HDAC9: variants seen among roughly 807,000 people sequenced by gnomAD.
The protein encoded by HDAC9 is histone deacetylase 9, also known as MEF-2 interacting transcription repressor (MITR) protein.
In HDAC9, 41 loss-of-function variants were observed where a neutral mutation model predicts 139.4. The observed-to-expected ratio is 0.29, with a 90% CI of 0.23 to 0.38. The LOEUF (loss-of-function observed/expected upper bound fraction) is 0.38, where lower values mean the gene tolerates loss of function less well. Ranked by LOEUF, HDAC9 falls within the 10% of genes least tolerant of loss-of-function variation. The pLI is 1.00. For missense variants in HDAC9, 1,147 were observed against 1,297.0 expected (o/e 0.88, Z 1.78); for synonymous variants, 517 against 476.2 (o/e 1.09, Z -1.12).
At chr7:18,404,810 A>G (rs890926490) in intron 1 of HDAC9, among the ~76,000 whole-genome samples, 3 of 152,226 alleles carry the variant, frequency 2.0e-5, no homozygotes, top group Non-Finnish European at 4.4e-5. Flanking sequence ...ATTGAAATAA[A>G]TGTAAGCTAT....
intron 13 of HDAC9, among the ~76,000 whole-genome samples, chr7:18,736,875 TG>T (rs1328908800): frequency 1.3e-5 from 2 of 152,188 alleles, no homozygotes; most frequent in Non-Finnish European, 2.9e-5. Flanking sequence ...GGACTTTTTT[TG>T]GTTGGTAGGC....
At chr7:18,409,844 A>G (rs1166891811) in intron 1 of HDAC9, among the ~76,000 whole-genome samples, 2 of 152,208 alleles carry the variant, frequency 1.3e-5, no homozygotes, top group Non-Finnish European at 2.9e-5. Context: ...TATTGGCTAA[A>G]TTAAACATTT....
chr7:18,178,453 C>T (rs1189339209), intron 2 of HDAC9, among the ~76,000 whole-genome samples: 2 of 152,164 alleles, frequency 1.3e-5, no homozygotes, highest in Non-Finnish European at 2.9e-5. Flanking sequence ...TCATTGTTTG[C>T]AAGACTTGTG....
chr7:18,749,840 C>G (rs1788292807), intron 14 of HDAC9, among the ~76,000 whole-genome samples: 1 of 152,104 alleles, frequency 6.6e-6, no homozygotes. Context: ...TGTCTGAAAT[C>G]CAGTAACATT....
intron 12 of HDAC9, among the ~76,000 whole-genome samples, chr7:18,677,525 A>T (rs771530603): frequency 3.3e-5 from 5 of 152,016 alleles, no homozygotes; most frequent in Non-Finnish European, 7.4e-5. Flanking sequence ...TTGTACACTA[A>T]GTATAGGTTT....
At chr7:18,715,148 G>T (rs1046076344) in intron 12 of HDAC9, among the ~76,000 whole-genome samples, 4 of 151,996 alleles carry the variant, frequency 2.6e-5, no homozygotes, top group African/African-American at 9.7e-5. Context: ...CTGACCCACA[G>T]TGACAAGTTT....
chr7:18,355,550 C>A (rs749405148), intron 1 of HDAC9, among the ~76,000 whole-genome samples: 1 of 152,080 alleles, frequency 6.6e-6, no homozygotes, highest in Non-Finnish European at 1.5e-5. Context: ...GATGTGAAAG[C>A]TTATTTTGAA....
chr7:18,280,762 C>CAAAA (rs11459678), intron 2 of HDAC9, among the ~76,000 whole-genome samples: 55 of 146,246 alleles, frequency 3.8e-4, no homozygotes, highest in African/African-American at 1.2e-3. Flanking sequence ...GACCCTGTCT[C>CAAAA]AAAAAAAATA....
intron 1 of HDAC9, among the ~76,000 whole-genome samples, chr7:18,424,574 CA>C (rs964968970): frequency 3.3e-5 from 5 of 152,100 alleles, no homozygotes; most frequent in South Asian, 4.2e-4. Flanking sequence ...ACTTTTACAA[CA>C]AAAAAATCTA....
chr7:18,806,479 A>C (rs1793721257), intron 17 of HDAC9, among the ~76,000 whole-genome samples: 1 of 152,084 alleles, frequency 6.6e-6, no homozygotes, highest in Non-Finnish European at 1.5e-5. Context: ...GTACCTCTAC[A>C]TCTCAGAGCC....
intron 23 of HDAC9, among the ~76,000 whole-genome samples, chr7:18,952,731 G>A (rs1782885291): frequency 6.6e-6 from 1 of 151,498 alleles, no homozygotes; most frequent in South Asian, 2.1e-4. Flanking sequence ...GATACAATTT[G>A]AAATACCACA....
intron 12 of HDAC9, among the ~76,000 whole-genome samples, chr7:18,688,293 G>A (rs1197715876): frequency 6.6e-6 from 1 of 151,736 alleles, no homozygotes; most frequent in Non-Finnish European, 1.5e-5. Context: ...AGTCTGTTTA[G>A]TCTAGCCTTA....
chr7:18,871,128 C>T (rs967095094), intron 21 of HDAC9, among the ~76,000 whole-genome samples: 2 of 152,134 alleles, frequency 1.3e-5, no homozygotes, highest in South Asian at 4.1e-4. Context: ...TATGTATTCA[C>T]TATGGACTTG....
At chr7:18,297,822 A>C (rs1422575587) in intron 1 of HDAC9, among the ~76,000 whole-genome samples, 2 of 152,136 alleles carry the variant, frequency 1.3e-5, no homozygotes, top group African/African-American at 2.4e-5. Flanking sequence ...TTGGTCCTAC[A>C]TTTCTTCATC....
intron 22 of HDAC9, among the ~76,000 whole-genome samples, chr7:18,881,690 TTAAATG>T (rs1261314791): frequency 1.3e-5 from 2 of 152,160 alleles, no homozygotes; most frequent in Non-Finnish European, 2.9e-5. Context: ...ACTATGGTCT[TTAAATG>T]TAAGTGTATT....
chr7:18,926,589 G>T (rs1804249952), intron 22 of HDAC9, among the ~76,000 whole-genome samples: 1 of 152,102 alleles, frequency 6.6e-6, no homozygotes, highest in Non-Finnish European at 1.5e-5. Context: ...TAGGTATTTT[G>T]TAAATAATAG....
chr7:18,886,265 T>A (rs1384737551), intron 22 of HDAC9, among the ~76,000 whole-genome samples: 1 of 152,224 alleles, frequency 6.6e-6, no homozygotes, highest in Non-Finnish European at 1.5e-5. Flanking sequence ...CACTGTTTAG[T>A]TACTGATGTC....
chr7:18,707,510 A>G (rs1457469679), intron 12 of HDAC9, among the ~76,000 whole-genome samples: 2 of 152,198 alleles, frequency 1.3e-5, no homozygotes, highest in Non-Finnish European at 2.9e-5. Context: ...ACAGCCCCTA[A>G]CAGGCATACT....
intron 1 of HDAC9, among the ~76,000 whole-genome samples, chr7:18,432,801 A>T (rs922604202): frequency 2.0e-5 from 3 of 152,106 alleles, no homozygotes; most frequent in Non-Finnish European, 4.4e-5. Context: ...AATACAAAAA[A>T]TTAGCTGGGC....
Sources: allele counts gnomAD v4.1 joint callset (sites outside exome capture counted in the v4.1 genomes callset), GRCh38; gene constraint gnomAD v4.1.1; transcripts MANE v1.5; gene names NCBI Gene and HGNC (gene_info 2026-07-23, HGNC 2026-07-21).